Variants in FOXP2 observed in about 807,000 individuals in gnomAD.
FOXP2 encodes forkhead box P2.
A neutral mutation model predicts 115.8 loss-of-function variants in FOXP2; 12 were observed. The observed-to-expected ratio is 0.10, with a 90% CI of 0.07 to 0.17. The LOEUF is 0.17. Among genes scored for constraint, FOXP2 ranks in the 10% least tolerant of loss-of-function variants. The pLI, the probability that FOXP2 is intolerant of heterozygous loss-of-function variation, is 1.00. For missense variants in FOXP2, 629 were observed against 843.5 expected (o/e 0.75, Z 3.15); for synonymous variants, 328 against 297.7 (o/e 1.10, Z -1.05).
chr7:114,201,171 A>G (rs952071214), intron 1 of FOXP2, among the ~76,000 whole-genome samples: 1 of 151,838 alleles, frequency 6.6e-6, no homozygotes. Flanking sequence ...ATAAATAAAT[A>G]AATAACCAAC....
At chr7:114,245,026 T>C (rs906567379) in intron 1 of FOXP2, among the ~76,000 whole-genome samples, 2 of 152,246 alleles carry the variant, frequency 1.3e-5, no homozygotes, top group African/African-American at 4.8e-5. Flanking sequence ...CCTCCCAAAG[T>C]GCTGGGACCA....
At chr7:114,544,063 C>T (rs1462680092) in intron 3 of FOXP2, among the ~76,000 whole-genome samples, 1 of 152,014 alleles carries the variant, frequency 6.6e-6, no homozygotes, top group Non-Finnish European at 1.5e-5. Flanking sequence ...ACTATGTTGC[C>T]CAGGCTGGGC....
intron 1 of FOXP2, among the ~76,000 whole-genome samples, chr7:114,200,642 C>G (rs1303560084): frequency 1.3e-5 from 2 of 152,126 alleles, no homozygotes; most frequent in Non-Finnish European, 2.9e-5. Flanking sequence ...GTCAGAATTT[C>G]AAGTTGATGC....
intron 2 of FOXP2, among the ~76,000 whole-genome samples, chr7:114,378,881 T>C (rs1373165799): frequency 6.6e-6 from 1 of 150,706 alleles, no homozygotes; most frequent in African/African-American, 2.4e-5. Context: ...CTAACATCCA[T>C]GATCAATTGT....
chr7:114,536,433 A>G (rs1466858767), intron 3 of FOXP2, among the ~76,000 whole-genome samples: 1 of 116,900 alleles, frequency 8.6e-6, no homozygotes, highest in Non-Finnish European at 1.7e-5. Flanking sequence ...TTGTTGTTGC[A>G]TTGAAAGGCA....
chr7:114,103,037 G>A (rs996879957), intron 1 of FOXP2, among the ~76,000 whole-genome samples: 14 of 152,024 alleles, frequency 9.2e-5, no homozygotes, highest in Non-Finnish European at 1.9e-4. Context: ...CTGAATCTTC[G>A]GAGATCTAGA....
chr7:114,434,594 A>G (rs1426688335), intron 2 of FOXP2, among the ~76,000 whole-genome samples: 3 of 151,956 alleles, frequency 2.0e-5, no homozygotes, highest in Non-Finnish European at 4.4e-5. Context: ...GGAGTAGTAA[A>G]GAAAATTTAC....
intron 3 of FOXP2, among the ~76,000 whole-genome samples, chr7:114,550,112 C>CTTTTTTTTTTTTTTT (rs941573098): frequency 9.7e-6 from 1 of 103,302 alleles, no homozygotes; most frequent in African/African-American, 3.8e-5. Context: ...CCTTTCTTTT[C>CTTTTTTTTTTTTTTT]TTTTTTTTTT....
chr7:114,620,245 G>A (rs1277360089), intron 3 of FOXP2, among the ~76,000 whole-genome samples: 1 of 152,014 alleles, frequency 6.6e-6, no homozygotes, highest in African/African-American at 2.4e-5. Flanking sequence ...CTGATTCCAA[G>A]CTTAGAAATA....
chr7:114,450,014 A>C (rs1795003466), intron 2 of FOXP2, among the ~76,000 whole-genome samples: 1 of 152,118 alleles, frequency 6.6e-6, no homozygotes, highest in Non-Finnish European at 1.5e-5. Context: ...TATAAAATTA[A>C]ATATATGAAA....
chr7:114,246,612 A>G (rs1013215961), intron 1 of FOXP2, among the ~76,000 whole-genome samples: 2 of 152,082 alleles, frequency 1.3e-5, no homozygotes, highest in Non-Finnish European at 2.9e-5. Context: ...TAACTAATTC[A>G]TTCATTTTTT....
chr7:114,389,998 T>C (rs1314602468), intron 2 of FOXP2, among the ~76,000 whole-genome samples: 1 of 118,558 alleles, frequency 8.4e-6, no homozygotes, highest in African/African-American at 3.2e-5. Context: ...CTCTCCAGCC[T>C]GGGCAACAGA....
intron 3 of FOXP2, among the ~76,000 whole-genome samples, chr7:114,555,197 G>C (rs745400359): frequency 3.9e-5 from 6 of 152,076 alleles, no homozygotes; most frequent in Non-Finnish European, 8.8e-5. Context: ...ATTTATTTAT[G>C]CTCTTTCATT....
chr7:114,151,292 C>T (rs1267527773), intron 1 of FOXP2, among the ~76,000 whole-genome samples: 1 of 151,986 alleles, frequency 6.6e-6, no homozygotes, highest in Non-Finnish European at 1.5e-5. Context: ...GAGGTTAAAA[C>T]AAAATTTCAA....
intron 2 of FOXP2, among the ~76,000 whole-genome samples, chr7:114,445,605 A>G (rs1463976376): frequency 6.6e-6 from 1 of 152,178 alleles, no homozygotes; most frequent in Non-Finnish European, 1.5e-5. Context: ...AACTATGTAC[A>G]TGGTCTTCTA....
At chr7:114,224,619 A>G (rs1045059231) in intron 1 of FOXP2, among the ~76,000 whole-genome samples, 1 of 152,060 alleles carries the variant, frequency 6.6e-6, no homozygotes. Flanking sequence ...TTCTCAGCTG[A>G]CAGATTTCTT....
intron 2 of FOXP2, among the ~76,000 whole-genome samples, chr7:114,475,287 G>A (rs1380427703): frequency 6.6e-6 from 1 of 151,910 alleles, no homozygotes; most frequent in African/African-American, 2.4e-5. Flanking sequence ...TATAAATCTT[G>A]CAGTTCAGAG....
chr7:114,285,838 A>T (rs539661447), intron 1 of FOXP2, among the ~76,000 whole-genome samples: 1 of 152,042 alleles, frequency 6.6e-6, no homozygotes, highest in East Asian at 1.9e-4. Flanking sequence ...ATATATAAGT[A>T]TATGTTAACC....
rs139142179 is a variant in FOXP2, at chr7:114,325,863, C to A, written c.-11+37754C>A. Among the ~76,000 whole-genome samples, 203 of 152,108 alleles carry A rather than the reference C, an allele frequency of 1.3e-3. 1 individual carries two copies. The highest frequency in any genetic ancestry group is 3.4e-3 in the Middle Eastern group (1 of 294). On this transcript the variant is annotated intron_variant, in intron 2 of 17. Transcript: ENST00000634411. ...TGTATAAAAAAAATTTAAGCAGCTG[C>A]TAGATGGAATCATAGTTTTTCCAGA...
Sources: gnomAD v4.1 joint callset for allele counts (sites outside exome capture counted in the v4.1 genomes callset) on GRCh38, gnomAD v4.1.1 for gene constraint, MANE v1.5 for transcripts, NCBI Gene and HGNC (gene_info 2026-07-23, HGNC 2026-07-21) for gene names.